The following CNNM4 variants were observed in gnomAD, a reference collection of about 807,000 sequenced individuals.
The protein encoded by CNNM4 is metal transporter CNNM4.
In CNNM4, 32 loss-of-function variants were observed where a neutral mutation model predicts 53.7. The ratio of observed to expected loss-of-function variants is 0.60; its 90% CI spans 0.45 to 0.80. CNNM4 has a LOEUF of 0.80. Among genes scored for constraint, CNNM4 ranks in the 30% least tolerant of loss-of-function variants. The probability of loss-of-function intolerance (pLI) is 0.00; values close to 1 mark genes in which losing one functional copy is unlikely to be tolerated. For missense variants in CNNM4, 784 were observed against 1,022.0 expected (o/e 0.77, Z 3.17); for synonymous variants, 410 against 440.0 (o/e 0.93, Z 0.85).
At position 96,799,360 on chromosome 2, in the gene CNNM4, GC is replaced by G. The variant is rs1433205901; in HGVS notation, c.1851+136del. 5 of 1,321,940 alleles carry G rather than the reference GC, an allele frequency of 3.8e-6. No homozygotes were observed. The African/African-American group carries it at 7.2e-5, about 19-fold the overall frequency. The allele number at this position is 1,321,940 out of a possible 1,614,324, so 81.9% of individuals were successfully genotyped here. On this transcript the variant is annotated intron_variant, in intron 4 of 6. Transcript: ENST00000377075. ...AGCCTGCTGCCTGCCCTTGAGCCCC[GC>G]CTGCCCCACGTGGCCATCCTCTCCC...
intron 1 of CNNM4, among the ~76,000 whole-genome samples, chr2:96,763,394 T>C (rs2078783172): frequency 6.6e-6 from 1 of 152,118 alleles, no homozygotes. Flanking sequence ...AACAAGCCAA[T>C]TATGGAGTGG....
At chr2:96,794,723 C>T (rs761540518) in intron 1 of CNNM4, among the ~76,000 whole-genome samples, 3 of 152,078 alleles carry the variant, frequency 2.0e-5, no homozygotes, top group Non-Finnish European at 4.4e-5. Context: ...CCTTCTAAGT[C>T]CAAGGTTAGG....
chr2:96,767,266 A>AG (rs1414895687), intron 1 of CNNM4, among the ~76,000 whole-genome samples: 1 of 152,196 alleles, frequency 6.6e-6, no homozygotes, highest in Non-Finnish European at 1.5e-5. Context: ...TAGGTGATGC[A>AG]GGACCACAGG....
chr2:96,770,827 CATGGAGAGTGTGT>C (rs1319028443), intron 1 of CNNM4, among the ~76,000 whole-genome samples: 5 of 152,210 alleles, frequency 3.3e-5, no homozygotes, highest in African/African-American at 1.2e-4. Flanking sequence ...GCCGCGCAGC[CATGGAGAGTGTGT>C]ATGGAAAGGC....
chr2:96,786,145 G>T (rs2079014575), intron 1 of CNNM4, among the ~76,000 whole-genome samples: 2 of 151,810 alleles, frequency 1.3e-5, no homozygotes, highest in South Asian at 4.1e-4. Context: ...GGCCTGGCGC[G>T]GCAGCTCACG....
chr2:96,783,605 GA>G (rs1341265530), intron 1 of CNNM4, among the ~76,000 whole-genome samples: 9 of 152,124 alleles, frequency 5.9e-5, no homozygotes, highest in African/African-American at 2.2e-4. Context: ...TAATTGTCCT[GA>G]CTGTGTCTTC....
intron 1 of CNNM4, among the ~76,000 whole-genome samples, chr2:96,770,483 C>T (rs576566330): frequency 2.0e-5 from 3 of 152,274 alleles, no homozygotes; most frequent in East Asian, 3.9e-4. Context: ...GTAGACATGG[C>T]GTTTTCCACT....
In CNNM4 at chr2:96,797,214, G is replaced by C; in HGVS notation, c.1546+59G>C. The C allele has an allele frequency of 6.2e-7, 1 of 1,608,472 alleles. No individual in the cohort carries two copies. Among genetic ancestry groups the C allele is most frequent in the East Asian group, 2.2e-5 (1 of 44,868 alleles). On this transcript the variant is annotated intron_variant, in intron 2 of 6. Coordinates refer to ENST00000377075, the MANE Select transcript of CNNM4 (RefSeq NM_020184.4). This position sits in a 1 kb window ranked among gnomAD's most constrained non-coding sequence, Gnocchi z 6.0. ...TTTCCTGCTTGGATCGAAACTTGGT[G>C]TCCCTAGCTGGAAGGGCCATAGTGC...
At position 96,808,621 on chromosome 2, in the gene CNNM4, G is replaced by C. The variant is rs769185337; in HGVS notation, c.2009G>C (p.Arg670Pro). The C allele has an allele frequency of 1.2e-6, 2 of 1,614,054 alleles. No homozygotes were observed. Among genetic ancestry groups the C allele is most frequent in the South Asian group, 2.2e-5 (2 of 91,068 alleles). Residue 670 changes from arginine (R) to proline (P), a missense_variant, in exon 6 of 7, where the codon CGC (arginine) becomes CCC (proline). Arg to Pro is a moderately radical substitution (Grantham distance 103, BLOSUM62 -2). Coordinates refer to ENST00000377075, the MANE Select transcript of CNNM4 (RefSeq NM_020184.4). This position sits in a 1 kb window ranked among gnomAD's most constrained non-coding sequence, Gnocchi z 4.9. ...TCAGCCTCCCTCAGTTACCCAGACC[G>C]CACAGACGTCTCAACTGCAGCAACC... Reference protein sequence around the residue: ...SRSASLSYPDRTDVSTAATLA... With the variant: ...SRSASLSYPDPTDVSTAATLA...
chr2:96,782,576 C>T (rs1303329747), intron 1 of CNNM4, among the ~76,000 whole-genome samples: 3 of 151,978 alleles, frequency 2.0e-5, no homozygotes, highest in South Asian at 2.1e-4. Context: ...TTGTCCTCTT[C>T]CTCCCCTTCT....
In CNNM4 at chr2:96,801,186, C is replaced by A; in HGVS notation, c.1948+1538C>A. 1.1e-6 allele frequency: 1 copy of A among 917,024 alleles called. No individual in the cohort carries two copies. The highest frequency in any genetic ancestry group is 1.3e-6 in the Non-Finnish European group (1 of 767,476). The allele number at this position is 917,024 out of a possible 1,614,324, so 56.8% of individuals were successfully genotyped here. A position where few individuals can be genotyped will look rare whatever the true frequency, so the allele number is the denominator to read the frequency against. On this transcript the variant is annotated intron_variant, in intron 5 of 6. Coordinates refer to ENST00000377075, the MANE Select transcript of CNNM4 (RefSeq NM_020184.4). The surrounding 1 kb of genome is among the most constrained non-coding windows in gnomAD (Gnocchi z 5.6). The stretch of plus-strand genomic sequence containing the variant: ...CTGCCACCTGCTGCCTGTGCCTGCA[C>A]ACTGCAGCTGCATTAACCTCCCCAC...
At chr2:96,805,862 C>A (rs1381523335) in intron 5 of CNNM4, among the ~76,000 whole-genome samples, 1 of 151,178 alleles carries the variant, frequency 6.6e-6, no homozygotes, top group Non-Finnish European at 1.5e-5. Flanking sequence ...CACACAGACA[C>A]GGCAACCATC....
At chr2:96,799,685 C>G in intron 5 of CNNM4, 37 bp downstream of exon 5, 1 of 1,466,316 alleles carries the variant, frequency 6.8e-7, no homozygotes, top group Non-Finnish European at 9.3e-7. Flanking sequence ...GCCCTTTGGC[C>G]CCCCTGCAGC....
chr2:96,798,722 A>T (rs1366029616), intron 3 of CNNM4, among the ~76,000 whole-genome samples: 2 of 152,182 alleles, frequency 1.3e-5, no homozygotes, highest in Non-Finnish European at 2.9e-5. Flanking sequence ...TCCATGTGCT[A>T]TCCCATTCAC....
rs2079247526 is a variant in CNNM4, at chr2:96,810,434, C to G, written c.*917C>G. ...CAAAGGTTCTCCCTCGGCGGGAGGG[C>G]ATCTGTGTTGGAGGTGATTTGTCTG... On this transcript the variant is annotated 3_prime_UTR_variant, in exon 7 of 7. Transcript: ENST00000377075. This position sits in a 1 kb window ranked among gnomAD's most constrained non-coding sequence, Gnocchi z 4.1. 6.5e-6 allele frequency: 1 copy of G among 152,708 alleles called. No homozygotes were observed. The highest frequency in any genetic ancestry group is 2.1e-4 in the South Asian group (1 of 4,830). The allele number at this position is 152,708 out of a possible 1,614,324, so 9.5% of individuals were successfully genotyped here.
intron 1 of CNNM4, among the ~76,000 whole-genome samples, chr2:96,795,750 C>T (rs993737275): frequency 4.6e-5 from 7 of 152,226 alleles, no homozygotes; most frequent in East Asian, 1.9e-4. Flanking sequence ...CCCAGATTTC[C>T]GGGGGCCTTT....
chr2:96,803,270 T>C (rs574712737), intron 5 of CNNM4, among the ~76,000 whole-genome samples: 1 of 152,268 alleles, frequency 6.6e-6, no homozygotes, highest in East Asian at 1.9e-4. Context: ...TGTGCCCTCA[T>C]TGATTAATTC....
At chr2:96,806,865 T>C (rs912428347) in intron 5 of CNNM4, among the ~76,000 whole-genome samples, 1 of 152,142 alleles carries the variant, frequency 6.6e-6, no homozygotes, top group Non-Finnish European at 1.5e-5. Context: ...CAACTCTTAT[T>C]CGAGATTCGA....
At chr2:96,809,087 C>T in intron 6 of CNNM4, 1 of 875,014 alleles carries the variant, frequency 1.1e-6, no homozygotes, top group East Asian at 2.8e-5. Flanking sequence ...AGCGATTTGC[C>T]CGCCTCAGCC....
Sources: allele counts gnomAD v4.1 joint callset (sites outside exome capture counted in the v4.1 genomes callset), GRCh38; gene constraint gnomAD v4.1.1; non-coding constraint Gnocchi (gnomAD v3.1); transcripts MANE v1.5; gene names NCBI Gene and HGNC (gene_info 2026-07-23, HGNC 2026-07-21).